Variants in ALK observed in about 807,000 individuals in gnomAD.
The protein encoded by ALK is ALK tyrosine kinase receptor.
A neutral mutation model predicts 163.1 loss-of-function variants in ALK; 74 were observed. The ratio of observed to expected loss-of-function variants is 0.45; its 90% CI spans 0.38 to 0.55. The LOEUF (loss-of-function observed/expected upper bound fraction) is 0.55. Ranked by LOEUF, ALK falls within the 20% of genes least tolerant of loss-of-function variation. The pLI, the probability that ALK is intolerant of heterozygous loss-of-function variation, is 0.00. For missense variants in ALK, 2,063 were observed against 2,105.3 expected (o/e 0.98, Z 0.39); for synonymous variants, 960 against 843.2 (o/e 1.14, Z -2.40).
intron 4 of ALK, among the ~76,000 whole-genome samples, chr2:29,510,914 G>T (rs776104707): frequency 4.6e-5 from 7 of 152,162 alleles, no homozygotes; most frequent in Non-Finnish European, 1.0e-4. Context: ...TCTGCACTGT[G>T]CAAGGCAGAC....
In ALK at chr2:29,920,742, A is replaced by G. The variant is rs551462419; in HGVS notation, c.-83T>C. 3 of 1,266,116 alleles carry G rather than the reference A, an allele frequency of 2.4e-6. No homozygotes were observed. Among genetic ancestry groups the G allele is most frequent in the South Asian group, 1.3e-5 (1 of 76,672 alleles). 78.4% of individuals were successfully genotyped at this position (1,266,116 alleles called of 1,614,324 possible). On this transcript the variant is annotated 5_prime_UTR_variant, in exon 1 of 29. Transcript: ENST00000389048. ...CCCGAGATGGGAAGAGGCTCTGAAC[A>G]GTCCTTGGTACCCAGCGGCTCCTTC...
At chr2:29,241,869 C>T (rs1238479147) in intron 12 of ALK, among the ~76,000 whole-genome samples, 1 of 152,088 alleles carries the variant, frequency 6.6e-6, no homozygotes, top group Non-Finnish European at 1.5e-5. Context: ...CATCTGAGGC[C>T]ACACAGCCAG....
At chr2:29,891,128 T>G (rs1667134154) in intron 1 of ALK, 1 of 152,238 alleles carries the variant, frequency 6.6e-6, no homozygotes, top group Admixed American at 6.5e-5. Flanking sequence ...ATGGATGCTT[T>G]ATAAGTATTT....
intron 12 of ALK, among the ~76,000 whole-genome samples, chr2:29,243,254 T>C (rs1208294559): frequency 6.6e-6 from 1 of 152,138 alleles, no homozygotes; most frequent in African/African-American, 2.4e-5. Flanking sequence ...CCTCCTTAAA[T>C]TTTCTGCCCA....
intron 5 of ALK, among the ~76,000 whole-genome samples, chr2:29,355,191 T>A (rs2148282592): frequency 6.6e-6 from 1 of 152,314 alleles, no homozygotes; most frequent in African/African-American, 2.4e-5. Flanking sequence ...ATTAACCTCT[T>A]CCATTTGTGT....
At chr2:29,818,615 G>T (rs969215337) in intron 1 of ALK, among the ~76,000 whole-genome samples, 9 of 152,224 alleles carry the variant, frequency 5.9e-5, no homozygotes, top group Non-Finnish European at 7.3e-5. Context: ...ATATTCCGTT[G>T]CATAAGAAAT....
intron 11 of ALK, among the ~76,000 whole-genome samples, chr2:29,273,327 A>G (rs1665443680): frequency 6.6e-6 from 1 of 152,162 alleles, no homozygotes; most frequent in Non-Finnish European, 1.5e-5. Flanking sequence ...CTACCTCAGT[A>G]TTGCTCTGAG....
In ALK at chr2:29,882,151, G is replaced by C. The variant is rs138304021; in HGVS notation, c.667+37842C>G. Among the ~76,000 whole-genome samples the C allele has an allele frequency of 8.5e-5, 13 of 152,312 alleles. No individual in the cohort carries two copies. In the East Asian group the frequency reaches 2.5e-3, roughly 29 times the overall value. ...GAAAAGGTTGTGAAGGACTGTAGGT[G>C]TGAGAGCATCGATGTCCCCTCAAAA... On this transcript the variant is annotated intron_variant, in intron 1 of 28. Coordinates refer to ENST00000389048, the MANE Select transcript of ALK (RefSeq NM_004304.5).
rs1572505223 is a variant in ALK at position 29,921,476 on chromosome 2, C to A, written c.-817G>T. ...AGCGCCCGCGGCTTTGGGTGGCCGA[C>A]CAGAGGGCGGCCGGAAAGCACCTCG... On this transcript the variant is annotated 5_prime_UTR_variant, in exon 1 of 29. Transcript: ENST00000389048. The A allele has an allele frequency of 4.3e-6, 1 of 232,052 alleles. No homozygotes were observed. Among genetic ancestry groups the A allele is most frequent in the Non-Finnish European group, 8.5e-6 (1 of 117,284 alleles). 14.4% of individuals were successfully genotyped at this position (232,052 alleles called of 1,614,324 possible). A position where few individuals can be genotyped will look rare whatever the true frequency, so the allele number is the denominator to read the frequency against.
chr2:29,846,845 G>C (rs999838945), intron 1 of ALK, among the ~76,000 whole-genome samples: 4 of 152,164 alleles, frequency 2.6e-5, no homozygotes, highest in African/African-American at 9.7e-5. Context: ...CTATGAGATA[G>C]GTTCTATTAT....
chr2:29,205,065 G>C (rs1011247251), intron 26 of ALK, among the ~76,000 whole-genome samples: 2 of 152,150 alleles, frequency 1.3e-5, no homozygotes, highest in Non-Finnish European at 2.9e-5. Flanking sequence ...TCTCCTTGAG[G>C]CCACCTCTTA....
Position 29,652,052 on chromosome 2 carries a change from T to C in ALK, c.952+42798A>G, listed in dbSNP as rs148454842. ...TGATACTTTACAGAGGGAAAGCTAA[T>C]ACAGAGAGCTGGTAAAGGGAAGGTT... On this transcript the variant is annotated intron_variant, in intron 3 of 28. Transcript: ENST00000389048. Among the ~76,000 whole-genome samples the C allele has an allele frequency of 3.6e-3, 542 of 152,248 alleles. 18 individuals carry two copies. The highest frequency in any genetic ancestry group is 0.029 in the Admixed American group (450 of 15,288).
intron 3 of ALK, among the ~76,000 whole-genome samples, chr2:29,549,559 T>C (rs115327474): frequency 0.017 from 2,524 of 152,332 alleles, 72 homozygotes; most frequent in African/African-American, 0.057. Flanking sequence ...ATTTATTTTA[T>C]TTAATTTTAA....
At chr2:29,383,906 T>A (rs917364545) in intron 4 of ALK, 47 bp from the exon 5 acceptor site, 1 of 1,612,692 alleles carries the variant, frequency 6.2e-7, no homozygotes. Flanking sequence ...GAAACAGATA[T>A]GAGAATTAGG....
At chr2:29,686,218 C>G (rs542553858) in intron 3 of ALK, among the ~76,000 whole-genome samples, 1 of 152,340 alleles carries the variant, frequency 6.6e-6, no homozygotes, top group South Asian at 2.1e-4. Context: ...GCTCCTGAAC[C>G]TCTAGAATCT....
At chr2:29,531,673 C>T (rs1051578217) in intron 4 of ALK, among the ~76,000 whole-genome samples, 1 of 152,150 alleles carries the variant, frequency 6.6e-6, no homozygotes, top group African/African-American at 2.4e-5. Flanking sequence ...CTCATGAAAT[C>T]CCCACTCTGG....
chr2:29,207,307 T>C (rs1363417284), intron 25 of ALK, 35 bp from the exon 26 acceptor site: 2 of 1,524,546 alleles, frequency 1.3e-6, no homozygotes, highest in Non-Finnish European at 1.8e-6. Context: ...AACTAGGATC[T>C]GGAGATGGCA....
intron 3 of ALK, among the ~76,000 whole-genome samples, chr2:29,684,469 C>T (rs991381746): frequency 3.9e-5 from 6 of 152,170 alleles, no homozygotes; most frequent in Non-Finnish European, 8.8e-5. Flanking sequence ...TAATCGATTC[C>T]ACTTCCTCAC....
chr2:29,283,890 T>C (rs1665778833), intron 9 of ALK, among the ~76,000 whole-genome samples: 1 of 152,204 alleles, frequency 6.6e-6, no homozygotes. Flanking sequence ...GCGCAGGTAC[T>C]GTAAATCACA....
Sources: allele counts gnomAD v4.1 joint callset (sites outside exome capture counted in the v4.1 genomes callset), GRCh38; gene constraint gnomAD v4.1.1; transcripts MANE v1.5; gene names NCBI Gene and HGNC (gene_info 2026-07-23, HGNC 2026-07-21).